SYNE1: variants seen among roughly 807,000 people sequenced by gnomAD.
SYNE1 encodes the protein spectrin repeat containing nuclear envelope protein 1.
In SYNE1, 616 loss-of-function variants were observed where a neutral mutation model predicts 1,111.0. The observed-to-expected ratio is 0.55, with a 90% CI of 0.52 to 0.59. The LOEUF is 0.59. SYNE1 is among the 20% of genes least tolerant of loss of function. SYNE1 has a pLI of 0.00. For synonymous variants in SYNE1, 3,855 were observed against 3,825.8 expected, an observed-to-expected ratio of 1.01 and a Z score of -0.28; for missense variants, 10,006 against 10,417.0, an observed-to-expected ratio of 0.96 and a Z score of 1.72.
At position 152,368,922 on chromosome 6, in the gene SYNE1, A is replaced by G. The variant is rs144982195; in HGVS notation, c.9807+50T>C. 4.3e-5 allele frequency: 69 copies of G among 1,613,276 alleles called. No individual in the cohort carries two copies. In the African/African-American group the frequency reaches 7.7e-4, roughly 18 times the overall value. On this transcript the variant is annotated intron_variant, in intron 61 of 145. Coordinates refer to ENST00000367255, the MANE Select transcript of SYNE1 (RefSeq NM_182961.4). ...CCCTGCAGAACCTGCTGCAACTCCA[A>G]TTTTGCGACATCAGTATCACACTCA...
At chr6:152,375,234 C>T (rs889878741) in intron 58 of SYNE1, among the ~76,000 whole-genome samples, 21 of 152,262 alleles carry the variant, frequency 1.4e-4, no homozygotes, top group African/African-American at 3.6e-4. Flanking sequence ...TGAGCCGCCG[C>T]GCCTGGCTTG....
intron 3 of SYNE1, among the ~76,000 whole-genome samples, chr6:152,597,711 C>A (rs192611612): frequency 5.9e-5 from 9 of 152,182 alleles, no homozygotes; most frequent in African/African-American, 1.9e-4. Flanking sequence ...GTAATGAATT[C>A]TTTCTTTTGT....
chr6:152,440,671 G>A (rs894133021), intron 32 of SYNE1, among the ~76,000 whole-genome samples: 22 of 146,012 alleles, frequency 1.5e-4, no homozygotes, highest in African/African-American at 4.9e-4. Context: ...GGGTTCAAGC[G>A]ATTCTCCTGC....
intron 109 of SYNE1, 73 bp from the exon 110 acceptor site, chr6:152,236,376 GTACC>G: frequency 9.1e-7 from 1 of 1,098,832 alleles, no homozygotes; most frequent in South Asian, 1.3e-5. Context: ...AATTTCTCTG[GTACC>G]TACAATGTTC....
chr6:152,465,760 A>AACACACACACAC (rs113781129), intron 17 of SYNE1, among the ~76,000 whole-genome samples: 3,439 of 133,236 alleles, frequency 0.026, 68 homozygotes, highest in African/African-American at 0.052. Context: ...CTCTTAGAAG[A>AACACACACACAC]ACACATACAC....
chr6:152,267,237 G>A (rs1024799802), intron 100 of SYNE1, among the ~76,000 whole-genome samples: 20 of 152,118 alleles, frequency 1.3e-4, no homozygotes, highest in African/African-American at 4.8e-4. Context: ...TGGAGTCAAA[G>A]TTATTTGCCA....
chr6:152,381,870 C>A (rs767932762), intron 55 of SYNE1, among the ~76,000 whole-genome samples: 24 of 152,210 alleles, frequency 1.6e-4, no homozygotes, highest in Admixed American at 1.1e-3. Flanking sequence ...GAGCCCTACT[C>A]GATTCCAAAT....
At chr6:152,417,364 G>T (rs1297673968) in intron 40 of SYNE1, among the ~76,000 whole-genome samples, 1 of 152,166 alleles carries the variant, frequency 6.6e-6, no homozygotes, top group African/African-American at 2.4e-5. Flanking sequence ...CAGGCGTGGT[G>T]GTGGGCGCCT....
Position 152,396,758 on chromosome 6 carries a change from T to G in SYNE1, c.7556+17A>C. On this transcript the variant is annotated intron_variant, in intron 50 of 145. Transcript: ENST00000367255. ...ACTTGGTGTATGATGAAATCTATGT[T>G]TGTTAAACTAACCTACCTTCCAAGT... The G allele has an allele frequency of 6.2e-7, 1 of 1,611,546 alleles. No individual in the cohort carries two copies. The highest frequency in any genetic ancestry group is 8.5e-7 in the Non-Finnish European group (1 of 1,177,666).
chr6:152,289,564 T>C (rs1027672039), intron 95 of SYNE1, among the ~76,000 whole-genome samples: 4 of 152,010 alleles, frequency 2.6e-5, no homozygotes, highest in African/African-American at 9.7e-5. Context: ...CTAATTTTTG[T>C]AGTTTTAGTA....
rs139691734 is a variant in SYNE1 at position 152,362,201 on chromosome 6, C to T, written c.10268G>A (p.Arg3423Gln). The T allele has an allele frequency of 8.1e-6, 13 of 1,614,074 alleles. No individual in the cohort carries two copies. Among genetic ancestry groups the T allele is most frequent in the African/African-American group, 8.0e-5 (6 of 74,916 alleles). ...NESERQHAEL[R>Q]DKTTMLGKAK... ...TTTTCCGAGCATCGTTGTTTTATCC[C>T]GCAGCTCCGCATGCTGCCTTTCTGA... The change falls in exon 64 of 146, where the codon CGG becomes CAG. Residue 3423 changes from arginine to glutamine, a missense_variant. Physicochemically the swap from Arg to Gln is conservative, Grantham distance 43 (BLOSUM62 1). Transcript: ENST00000367255.
At chr6:152,171,109 C>T (rs2065099992) in intron 130 of SYNE1, among the ~76,000 whole-genome samples, 2 of 152,298 alleles carry the variant, frequency 1.3e-5, no homozygotes, top group South Asian at 4.1e-4. Context: ...CTTTATAAAT[C>T]ACCCAGTCTC....
intron 11 of SYNE1, among the ~76,000 whole-genome samples, chr6:152,496,059 T>C (rs2098997722): frequency 6.6e-6 from 1 of 152,198 alleles, no homozygotes; most frequent in Non-Finnish European, 1.5e-5. Flanking sequence ...TCTTCTTCTG[T>C]GACTCCTCTA....
In SYNE1 at chr6:152,396,916, G is replaced by A. The variant is rs1325854782; in HGVS notation, c.7415C>T (p.Thr2472Ile). The A allele has an allele frequency of 3.1e-6, 5 of 1,614,086 alleles. No homozygotes were observed. Among genetic ancestry groups the A allele is most frequent in the Non-Finnish European group, 4.2e-6 (5 of 1,180,038 alleles). The change falls in exon 50 of 146, where the codon ACT (threonine) becomes ATT (isoleucine). Residue 2472 changes from threonine to isoleucine, a missense_variant. Thr to Ile is a moderately conservative substitution (Grantham distance 89, BLOSUM62 -1). Coordinates refer to ENST00000367255, the MANE Select transcript of SYNE1 (RefSeq NM_182961.4). ...KLDAVTQEGQTLYAHLSKQIV... is the reference protein window; with the variant it reads ...KLDAVTQEGQILYAHLSKQIV... ...TTGTTTAGACAAATGTGCATACAAA[G>A]TTTGTCCTTCTTGAGTCACTGCATC...
At chr6:152,383,564 A>C (rs759758626) in intron 55 of SYNE1, among the ~76,000 whole-genome samples, 5 of 150,016 alleles carry the variant, frequency 3.3e-5, no homozygotes, top group Non-Finnish European at 7.4e-5. Context: ...ACACCCTCCT[A>C]CTCTTCCCCT....
At chr6:152,379,825 T>C (rs2097368054) in intron 56 of SYNE1, among the ~76,000 whole-genome samples, 1 of 152,244 alleles carries the variant, frequency 6.6e-6, no homozygotes, top group South Asian at 2.1e-4. Flanking sequence ...AATATCAACG[T>C]AAAAATAATG....
intron 11 of SYNE1, among the ~76,000 whole-genome samples, chr6:152,492,764 C>G (rs918406292): frequency 3.2e-4 from 49 of 152,256 alleles, no homozygotes; most frequent in African/African-American, 1.2e-3. Context: ...GAGTGTAAGT[C>G]CATACCCTTC....
At chr6:152,253,785 T>C (rs2089978367) in intron 104 of SYNE1, among the ~76,000 whole-genome samples, 1 of 148,654 alleles carries the variant, frequency 6.7e-6, no homozygotes, top group African/African-American at 2.5e-5. Context: ...TCCATGTTTC[T>C]TGGCTAATGC....
chr6:152,327,437 G>A (rs1414420172), intron 78 of SYNE1, among the ~76,000 whole-genome samples: 1 of 152,118 alleles, frequency 6.6e-6, no homozygotes, highest in Non-Finnish European at 1.5e-5. Context: ...GACTAAAATA[G>A]AAAAGTTGAA....
Sources: gnomAD v4.1 joint callset for allele counts (sites outside exome capture counted in the v4.1 genomes callset) on GRCh38, gnomAD v4.1.1 for gene constraint, MANE v1.5 for transcripts, NCBI Gene and HGNC (gene_info 2026-07-23, HGNC 2026-07-21) for gene names.